The following PRKAR1B variants were observed in gnomAD, a reference collection of about 807,000 sequenced individuals.
PRKAR1B encodes the protein protein kinase cAMP-dependent type I regulatory subunit beta, also known as cAMP-dependent protein kinase type I-beta regulatory subunit.
PRKAR1B carries 22 observed loss-of-function variants against 46.5 expected under a neutral mutation model. That is an observed-to-expected ratio of 0.47 (90% CI 0.34 to 0.68). The LOEUF (loss-of-function observed/expected upper bound fraction) is 0.68. Ranked by LOEUF, PRKAR1B falls within the 30% of genes least tolerant of loss-of-function variation. PRKAR1B has a pLI of 0.01. For synonymous variants in PRKAR1B, 259 were observed against 217.7 expected (o/e 1.19, Z -1.67); for missense variants, 445 against 535.6 (o/e 0.83, Z 1.67).
intron 4 of PRKAR1B, chr7:608,483 T>C (rs1782244090): frequency 6.6e-6 from 1 of 152,280 alleles, no homozygotes; most frequent in Non-Finnish European, 1.5e-5. Context: ...ATTCTTAAAA[T>C]AGTGGTTGTT....
At chr7:605,964 C>T (rs1156319535) in intron 6 of PRKAR1B, among the ~76,000 whole-genome samples, 2 of 152,224 alleles carry the variant, frequency 1.3e-5, no homozygotes, top group African/African-American at 4.8e-5. Flanking sequence ...CCCTGGAAAA[C>T]CTGAGGCCGC....
chr7:681,107 AG>A, intron 2 of PRKAR1B, among the ~76,000 whole-genome samples: 1 of 152,094 alleles, frequency 6.6e-6, no homozygotes, highest in East Asian at 1.9e-4. Flanking sequence ...TGGGTTTCCA[AG>A]GGACTCCTCC....
At position 617,380 on chromosome 7, in the gene PRKAR1B, C is replaced by G. The variant is rs1782889092; in HGVS notation, c.441-9928G>C. On this transcript the variant is annotated intron_variant, in intron 4 of 10. Transcript: ENST00000537384. Reference sequence around the variant, plus strand: ...AGTGCAGTGGTAGCATCACAGCTCACTTCAGCCTTGACCTTCTGAGCTCAA... The same window carrying G: ...AGTGCAGTGGTAGCATCACAGCTCAGTTCAGCCTTGACCTTCTGAGCTCAA... 2.0e-5 allele frequency among the ~76,000 whole-genome samples: 3 copies of G among 150,232 alleles called. 1 individual carries two copies. The highest frequency in any genetic ancestry group is 7.4e-5 in the African/African-American group (3 of 40,800).
chr7:649,999 T>C lies in PRKAR1B; in HGVS notation c.440+27230A>G, dbSNP rs954505735. Among the ~76,000 whole-genome samples, 4 of 137,990 alleles carry C rather than the reference T, an allele frequency of 2.9e-5. No individual in the cohort carries two copies. The Admixed American group carries it at 2.9e-4, about 10-fold the overall frequency. 90.5% of individuals were successfully genotyped at this position (137,990 alleles called of 152,430 possible). A position where few individuals can be genotyped will look rare whatever the true frequency, so the allele number is the denominator to read the frequency against. On this transcript the variant is annotated intron_variant, in intron 4 of 10. Transcript: ENST00000537384. ...AGCTAATTTTTTTTTTTTTTTTTTG[T>C]AGAGATTAGGGTCTTGCTATGCGGC...
chr7:690,961 C>A (rs967944219), intron 2 of PRKAR1B, among the ~76,000 whole-genome samples: 1 of 152,236 alleles, frequency 6.6e-6, no homozygotes, highest in Admixed American at 6.5e-5. Flanking sequence ...GAATTCTTCC[C>A]AGCGGCCCAT....
intron 2 of PRKAR1B, among the ~76,000 whole-genome samples, chr7:695,587 C>G (rs887236823): frequency 6.6e-6 from 1 of 152,086 alleles, no homozygotes; most frequent in Non-Finnish European, 1.5e-5. Flanking sequence ...CCACTGGAGT[C>G]TGCAAGCTAC....
intron 8 of PRKAR1B, among the ~76,000 whole-genome samples, chr7:583,698 CCT>C (rs66527179): frequency 0.41 from 58,979 of 144,684 alleles, 12,632 homozygotes; most frequent in African/African-American, 0.47. Flanking sequence ...GCACTCACAC[CCT>C]CACACACGTG....
intron 4 of PRKAR1B, among the ~76,000 whole-genome samples, chr7:628,878 G>T (rs1455804827): frequency 6.6e-6 from 1 of 151,066 alleles, no homozygotes; most frequent in Non-Finnish European, 1.5e-5. Flanking sequence ...CCCAAGTCAG[G>T]CTCAAGGACC....
intron 3 of PRKAR1B, among the ~76,000 whole-genome samples, chr7:680,214 C>T (rs1416758213): frequency 1.3e-5 from 2 of 151,482 alleles, no homozygotes; most frequent in African/African-American, 4.9e-5. Flanking sequence ...GCATGGGAGG[C>T]ACACAGCCCA....
At chr7:688,451 G>A (rs1466092424) in intron 2 of PRKAR1B, among the ~76,000 whole-genome samples, 2 of 150,380 alleles carry the variant, frequency 1.3e-5, no homozygotes, top group Non-Finnish European at 3.0e-5. Flanking sequence ...CTGCCCACTG[G>A]AACCCTCCAA....
intron 1 of PRKAR1B, among the ~76,000 whole-genome samples, chr7:724,479 C>T (rs1313098067): frequency 6.6e-6 from 1 of 152,186 alleles, no homozygotes; most frequent in Non-Finnish European, 1.5e-5. Context: ...GTGACTTGCT[C>T]CTTCCCGCCT....
At chr7:606,083 C>T (rs922045228) in intron 6 of PRKAR1B, 110 bp downstream of exon 6, 26 of 976,176 alleles carry the variant, frequency 2.7e-5, no homozygotes, top group Middle Eastern at 2.1e-4. Flanking sequence ...ACTAGGAATA[C>T]GGCACTCAGC....
intron 4 of PRKAR1B, among the ~76,000 whole-genome samples, chr7:645,755 T>C (rs1436556477): frequency 1.1e-4 from 16 of 151,800 alleles, no homozygotes; most frequent in Admixed American, 5.9e-4. Flanking sequence ...CAGGGGACCC[T>C]GGGATCCCGG....
chr7:664,936 C>G lies in PRKAR1B; in HGVS notation c.440+12293G>C, dbSNP rs7809325. Among the ~76,000 whole-genome samples, 3 of 151,910 alleles carry G rather than the reference C, an allele frequency of 2.0e-5. No individual in the cohort carries two copies. In the East Asian group the frequency reaches 5.8e-4, roughly 29 times the overall value. On this transcript the variant is annotated intron_variant, in intron 4 of 10. Transcript: ENST00000537384. ...CTCAAAAAAACAAAAACAAAAATCT[C>G]AGGGCACCAAACAGCCAGGACCACA...
chr7:679,655 A>G (rs553641822), intron 3 of PRKAR1B, among the ~76,000 whole-genome samples: 1 of 152,316 alleles, frequency 6.6e-6, no homozygotes, highest in South Asian at 2.1e-4. Context: ...ATTCCACAAC[A>G]ATGAGAATGT....
At chr7:726,828 G>A (rs1483558301) in intron 1 of PRKAR1B, 4 of 1,326,516 alleles carry the variant, frequency 3.0e-6, no homozygotes, top group Non-Finnish European at 3.8e-6. Flanking sequence ...GCCTGCTGCC[G>A]GGGCTGGAGG....
intron 1 of PRKAR1B, chr7:716,649 A>G (rs1416386245): frequency 1.3e-5 from 2 of 152,232 alleles, no homozygotes; most frequent in African/African-American, 2.4e-5. Context: ...TTCACTCTGC[A>G]TGGCGAAGAG....
chr7:706,639 ATG>A (rs1780344660), intron 2 of PRKAR1B, among the ~76,000 whole-genome samples: 1 of 146,992 alleles, frequency 6.8e-6, no homozygotes, highest in African/African-American at 2.5e-5. Context: ...GTTAGCCAGA[ATG>A]GTCTCGATCT....
At chr7:713,685 A>C (rs899881525) in intron 1 of PRKAR1B, among the ~76,000 whole-genome samples, 24 of 150,818 alleles carry the variant, frequency 1.6e-4, no homozygotes, top group African/African-American at 5.1e-4. Context: ...GTCCACACTC[A>C]CCTGTCCAGC....
Sources: allele counts gnomAD v4.1 joint callset (sites outside exome capture counted in the v4.1 genomes callset), GRCh38; gene constraint gnomAD v4.1.1; transcripts MANE v1.5; gene names NCBI Gene and HGNC (gene_info 2026-07-23, HGNC 2026-07-21).